Variants in CDIN1 observed in about 807,000 individuals in gnomAD.
CDIN1 encodes the protein CDAN1-interacting nuclease 1.
A neutral mutation model predicts 45.3 loss-of-function variants in CDIN1; 33 were observed. The ratio of observed to expected loss-of-function variants is 0.73; its 90% confidence interval spans 0.55 to 0.97. The LOEUF is 0.97. Among genes scored for constraint, CDIN1 ranks in the 50% least tolerant of loss-of-function variants. The probability of loss-of-function intolerance (pLI) is 0.00; values close to 1 mark genes in which losing one functional copy is unlikely to be tolerated. For synonymous variants in CDIN1, 118 were observed against 124.4 expected (o/e 0.95, Z 0.34); for missense variants, 303 against 339.4 (o/e 0.89, Z 0.84).
At chr15:36,652,404 T>C (rs2040607703) in intron 3 of CDIN1, among the ~76,000 whole-genome samples, 1 of 152,028 alleles carries the variant, frequency 6.6e-6, no homozygotes, top group African/African-American at 2.4e-5. Context: ...TGACCCAGAA[T>C]CAGAAACCAT....
At chr15:36,648,838 A>T (rs1477063) in intron 3 of CDIN1, 1 of 152,176 alleles carries the variant, frequency 6.6e-6, no homozygotes, top group Non-Finnish European at 1.5e-5. Flanking sequence ...TGGTGCAAAC[A>T]ATGTGAACAT....
At chr15:36,748,193 T>C (rs1404868670) in intron 10 of CDIN1, among the ~76,000 whole-genome samples, 2 of 152,208 alleles carry the variant, frequency 1.3e-5, no homozygotes, top group African/African-American at 4.8e-5. Context: ...AGCTTAGATA[T>C]ACATAGTGCC....
chr15:36,595,866 C>A (rs775873679), intron 1 of CDIN1, among the ~76,000 whole-genome samples: 1 of 152,224 alleles, frequency 6.6e-6, no homozygotes, highest in Admixed American at 6.5e-5. Context: ...GAGACCCAGG[C>A]GCCTGCTGAG....
intron 5 of CDIN1, among the ~76,000 whole-genome samples, chr15:36,667,891 C>T (rs781532846): frequency 6.6e-6 from 1 of 152,030 alleles, no homozygotes; most frequent in Non-Finnish European, 1.5e-5. Flanking sequence ...AAATACAACA[C>T]GTCAAGTAGA....
rs114357983 is a variant in CDIN1, at chr15:36,586,186, C to A, written c.101+6225C>A. Among the ~76,000 whole-genome samples the A allele has an allele frequency of 9.9e-3, 1,285 of 130,420 alleles. 17 individuals carry two copies. Among genetic ancestry groups the A allele is most frequent in the African/African-American group, 0.036 (1,214 of 33,798 alleles). The allele number at this position is 130,420 out of a possible 152,430, so 85.6% of individuals were successfully genotyped here. A position where few individuals can be genotyped will look rare whatever the true frequency, so the allele number is the denominator to read the frequency against. ...CACAGTTTGCTTGGTGTGGGTTTACCTTTGAGTTTTTTTTTTTTTTTTAAC... is the reference window on the plus strand; with the variant it reads ...CACAGTTTGCTTGGTGTGGGTTTACATTTGAGTTTTTTTTTTTTTTTTAAC... On this transcript the variant is annotated intron_variant, in intron 1 of 10. Coordinates refer to ENST00000566621, the MANE Select transcript of CDIN1 (RefSeq NM_001321759.2).
intron 5 of CDIN1, among the ~76,000 whole-genome samples, chr15:36,670,987 G>A (rs996050287): frequency 2.0e-5 from 3 of 152,088 alleles, no homozygotes; most frequent in Admixed American, 1.3e-4. Flanking sequence ...TGTAACTTGA[G>A]CGAAAACTTA....
intron 10 of CDIN1, among the ~76,000 whole-genome samples, chr15:36,797,991 G>A (rs116582279): frequency 7.5e-4 from 60 of 80,240 alleles, no homozygotes; most frequent in African/African-American, 2.8e-3. Context: ...AAAAAAAAAA[G>A]ACTTTCCTTC....
intron 1 of CDIN1, among the ~76,000 whole-genome samples, chr15:36,602,956 C>G (rs887319993): frequency 6.6e-6 from 1 of 151,882 alleles, no homozygotes. Context: ...CCTCTGCACT[C>G]CAGCCTGGGT....
chr15:36,600,283 C>A (rs1307129808), intron 1 of CDIN1, among the ~76,000 whole-genome samples: 1 of 152,136 alleles, frequency 6.6e-6, no homozygotes, highest in Non-Finnish European at 1.5e-5. Flanking sequence ...AGAGCAGGAA[C>A]AAGGGAGAAA....
chr15:36,776,646 C>A (rs1206109463), intron 10 of CDIN1, among the ~76,000 whole-genome samples: 1 of 152,180 alleles, frequency 6.6e-6, no homozygotes. Flanking sequence ...GTTATGTAAA[C>A]TCATTTTCTG....
chr15:36,628,808 G>A (rs975495285), intron 1 of CDIN1, among the ~76,000 whole-genome samples: 1 of 152,190 alleles, frequency 6.6e-6, no homozygotes, highest in South Asian at 2.1e-4. Context: ...TAGACTTAGA[G>A]TCTTTGCAGA....
chr15:36,692,158 A>G lies in CDIN1; in HGVS notation c.459A>G (p.Leu153=), dbSNP rs200102332. ...TGAACGACTGCTGTTACGGACCACTAGTGGACTGCATCAAGCAGTATCCTT... is the reference window on the plus strand; with the variant it reads ...TGAACGACTGCTGTTACGGACCACTGGTGGACTGCATCAAGCAGTATCCTT... ...CIVNDCCYGP[L]VDCIKHAIGH... The change falls in exon 7 of 11, where the codon CTA becomes CTG. Residue 153 remains leucine (L), a synonymous_variant. Coordinates refer to ENST00000566621, the MANE Select transcript of CDIN1 (RefSeq NM_001321759.2). 5.6e-6 allele frequency: 9 copies of G among 1,613,658 alleles called. No homozygotes were observed. The highest frequency in any genetic ancestry group is 7.6e-6 in the Non-Finnish European group (9 of 1,179,830).
At position 36,644,299 on chromosome 15, in the gene CDIN1, G is replaced by C. The variant is rs2040225053; in HGVS notation, c.123G>C (p.Leu41=). Residue 41 remains leucine (L), a synonymous_variant, in exon 2 of 11, where the codon CTG becomes CTC. Transcript: ENST00000566621. ...RFPSQSQATL[L]SIFSQEYQKH... ...CCAGTCAATCGCAGGCCACTCTGCT[G>C]AGCATCTTCTCCCAGGAGTACCAGG... 6.2e-7 allele frequency: 1 copy of C among 1,613,694 alleles called. No homozygotes were observed. The highest frequency in any genetic ancestry group is 2.2e-5 in the East Asian group (1 of 44,876).
intron 1 of CDIN1, among the ~76,000 whole-genome samples, chr15:36,605,257 A>G (rs2038305893): frequency 6.6e-6 from 1 of 152,212 alleles, no homozygotes; most frequent in African/African-American, 2.4e-5. Flanking sequence ...TTTGACCTAC[A>G]AATTTATAAA....
chr15:36,734,492 A>G (rs944618069), intron 10 of CDIN1: 4 of 313,130 alleles, frequency 1.3e-5, no homozygotes, highest in African/African-American at 2.2e-5. Context: ...TACAGCAGAG[A>G]AGGTTAACCT....
chr15:36,736,776 C>T (rs938434392), intron 10 of CDIN1, among the ~76,000 whole-genome samples: 3 of 152,176 alleles, frequency 2.0e-5, no homozygotes, highest in Non-Finnish European at 4.4e-5. Flanking sequence ...CACAGTCTGA[C>T]CTCCTCCTTT....
intron 5 of CDIN1, among the ~76,000 whole-genome samples, chr15:36,689,917 A>AT (rs767606918): frequency 2.0e-5 from 3 of 152,198 alleles, no homozygotes; most frequent in Non-Finnish European, 4.4e-5. Flanking sequence ...AGAACACTTT[A>AT]TTTCGGTAGT....
At chr15:36,738,631 A>G (rs181311978) in intron 10 of CDIN1, among the ~76,000 whole-genome samples, 24 of 152,272 alleles carry the variant, frequency 1.6e-4, no homozygotes, top group Admixed American at 1.4e-3. Context: ...TCCCTGTTAC[A>G]TGAAGCACTG....
chr15:36,605,366 A>T (rs1165326144), intron 1 of CDIN1, among the ~76,000 whole-genome samples: 1 of 150,286 alleles, frequency 6.7e-6, no homozygotes, highest in African/African-American at 2.4e-5. Flanking sequence ...TGTAACTTGT[A>T]TTTTTTTTTT....
Sources: gnomAD v4.1 joint callset for allele counts (sites outside exome capture counted in the v4.1 genomes callset) on GRCh38, gnomAD v4.1.1 for gene constraint, MANE v1.5 for transcripts, NCBI Gene and HGNC (gene_info 2026-07-23, HGNC 2026-07-21) for gene names.